The following SYNE1 variants were observed in gnomAD, a reference collection of about 807,000 sequenced individuals.
The protein encoded by SYNE1 is nesprin-1.
Under a neutral mutation model 1,111.0 loss-of-function variants are expected in SYNE1, and 616 were observed. The ratio of observed to expected loss-of-function variants is 0.55; its 90% CI spans 0.52 to 0.59. SYNE1 has a LOEUF of 0.59. SYNE1 is among the 20% of genes least tolerant of loss of function. The pLI is 0.00. For synonymous variants in SYNE1, 3,855 were observed against 3,825.8 expected (o/e 1.01, Z -0.28); for missense variants, 10,006 against 10,417.0 (o/e 0.96, Z 1.72).
chr6:152,184,671 G>C (rs2069246814), intron 128 of SYNE1, among the ~76,000 whole-genome samples: 1 of 147,298 alleles, frequency 6.8e-6, no homozygotes, highest in African/African-American at 2.5e-5. Flanking sequence ...TAGATAGATA[G>C]ATAGATAAAA....
At chr6:152,194,718 T>C (rs1419048401) in intron 127 of SYNE1, among the ~76,000 whole-genome samples, 1 of 152,144 alleles carries the variant, frequency 6.6e-6, no homozygotes, top group Non-Finnish European at 1.5e-5. Context: ...TTGTCTCCTC[T>C]GACTGCGTAG....
intron 129 of SYNE1, among the ~76,000 whole-genome samples, chr6:152,176,976 C>T (rs754709892): frequency 2.6e-5 from 4 of 151,978 alleles, no homozygotes; most frequent in Non-Finnish European, 5.9e-5. Flanking sequence ...AATGCACACA[C>T]ACATATATAT....
At chr6:152,185,669 C>T (rs973138893) in intron 128 of SYNE1, among the ~76,000 whole-genome samples, 2 of 152,154 alleles carry the variant, frequency 1.3e-5, no homozygotes, top group Admixed American at 6.5e-5. Context: ...CTATGTATTC[C>T]GTTTGCTGTT....
Position 152,189,008 on chromosome 6 carries a change from T to A in SYNE1, c.23301+244A>T, listed in dbSNP as rs868569783. ...AAATATATATATATATATATATATA[T>A]ATATATATATAAAATGCCAGCCAGC... On this transcript the variant is annotated intron_variant, in intron 128 of 145. Transcript: ENST00000367255. Among the ~76,000 whole-genome samples, 943 of 113,950 alleles carry A rather than the reference T, an allele frequency of 8.3e-3. 29 individuals are homozygous for A. The highest frequency in any genetic ancestry group is 0.032 in the African/African-American group (865 of 27,192). The allele number at this position is 113,950 out of a possible 152,430, so 74.8% of individuals were successfully genotyped here. A position where few individuals can be genotyped will look rare whatever the true frequency, so the allele number is the denominator to read the frequency against.
Position 152,362,090 on chromosome 6 carries a change from C to T in SYNE1, c.10299+80G>A, listed in dbSNP as rs186047600. ...CTTATGTGCACTGCCCTAGGGTACA[C>T]GTAATCCCATTTTTGTCTGACTGTG... On this transcript the variant is annotated intron_variant, in intron 64 of 145. Coordinates refer to ENST00000367255, the MANE Select transcript of SYNE1 (RefSeq NM_182961.4). 720 of 1,603,394 alleles carry T rather than the reference C, an allele frequency of 4.5e-4. 2 individuals carry two copies. In the African/African-American group the frequency reaches 7.8e-3, roughly 17 times the overall value.
intron 86 of SYNE1, 75 bp from the exon 87 acceptor site, chr6:152,317,061 C>A: frequency 6.4e-7 from 1 of 1,559,066 alleles, no homozygotes; most frequent in South Asian, 1.1e-5. Context: ...TCTTCTCTCT[C>A]TTTGGACACA....
rs1491115589 is a variant in SYNE1 at position 152,253,817 on chromosome 6, G to GTTTTTTTTTTTTTTTTTTTTTTTTT, written c.19470+1062_19470+1063insAAAAAAAAAAAAAAAAAAAAAAAAA. Among the ~76,000 whole-genome samples, 93 of 59,150 alleles carry GTTTTTTTTTTTTTTTTTTTTTTTTT rather than the reference G, an allele frequency of 1.6e-3. 33 individuals are homozygous for GTTTTTTTTTTTTTTTTTTTTTTTTT. The highest frequency in any genetic ancestry group is 4.3e-3 in the East Asian group (6 of 1,380). The allele number at this position is 59,150 out of a possible 152,430, so 38.8% of individuals were successfully genotyped here. A position where few individuals can be genotyped will look rare whatever the true frequency, so the allele number is the denominator to read the frequency against. Reference sequence around the variant, plus strand: ...ATGCTACATTTATGTGTAGTGGTTTGGTTTTTTTTTTTTTTTTTTTTTTTT... The same window carrying GTTTTTTTTTTTTTTTTTTTTTTTTT: ...ATGCTACATTTATGTGTAGTGGTTTGTTTTTTTTTTTTTTTTTTTTTTTTTGTTTTTTTTTTTTTTTTTTTTTTTT... On this transcript the variant is annotated intron_variant, in intron 104 of 145. Coordinates refer to ENST00000367255, the MANE Select transcript of SYNE1 (RefSeq NM_182961.4).
intron 145 of SYNE1, chr6:152,128,569 A>G (rs1177603434): frequency 6.6e-6 from 1 of 152,246 alleles, no homozygotes; most frequent in Non-Finnish European, 1.5e-5. Flanking sequence ...GACTTTAAAC[A>G]ACAACAAAGA....
chr6:152,597,563 A>C (rs758237589), intron 3 of SYNE1, among the ~76,000 whole-genome samples: 1 of 152,190 alleles, frequency 6.6e-6, no homozygotes, highest in African/African-American at 2.4e-5. Context: ...TGGCAAGTAC[A>C]AGATAAACGG....
chr6:152,369,288 AG>A, intron 60 of SYNE1, 161 bp from the exon 61 acceptor site: 1 of 1,352,310 alleles, frequency 7.4e-7, no homozygotes, highest in Non-Finnish European at 1.0e-6. Context: ...AAATCATGGA[AG>A]GAAACAAATC....
At chr6:152,445,524 G>A (rs1388159661) in intron 29 of SYNE1, among the ~76,000 whole-genome samples, 2 of 151,996 alleles carry the variant, frequency 1.3e-5, no homozygotes, top group Non-Finnish European at 2.9e-5. Flanking sequence ...AAGCCTTCCA[G>A]TTTCTTCTTC....
intron 115 of SYNE1, among the ~76,000 whole-genome samples, chr6:152,226,484 G>A (rs1325643698): frequency 6.6e-6 from 1 of 152,126 alleles, no homozygotes; most frequent in Non-Finnish European, 1.5e-5. Context: ...AAAGGCTTCA[G>A]GCTTCTTTGA....
At chr6:152,411,593 A>G (rs554597135) in intron 42 of SYNE1, among the ~76,000 whole-genome samples, 1 of 152,344 alleles carries the variant, frequency 6.6e-6, no homozygotes, top group African/African-American at 2.4e-5. Flanking sequence ...CAAATAACTT[A>G]ACAAAATATG....
chr6:152,618,365 C>T (rs2099666962), intron 3 of SYNE1, among the ~76,000 whole-genome samples: 1 of 152,048 alleles, frequency 6.6e-6, no homozygotes, highest in Non-Finnish European at 1.5e-5. Flanking sequence ...ATAACAAATA[C>T]AACATCAACA....
In SYNE1 at chr6:152,463,446, A is replaced by G. The variant is rs2098746021; in HGVS notation, c.2004T>C (p.Ile668=). The part of the protein sequence containing the change: ...TAMNDAGNFL[I]ETCDEMVSRD... ...GGGAAACCATCTCATCACAGGTTTCAATTAGAAAATTGCCAGCATCGTTCA... is the reference window on the plus strand; with the variant it reads ...GGGAAACCATCTCATCACAGGTTTCGATTAGAAAATTGCCAGCATCGTTCA... The change falls in exon 19 of 146, where the codon ATT becomes ATC. Residue 668 remains isoleucine (I), a synonymous_variant. Coordinates refer to ENST00000367255, the MANE Select transcript of SYNE1 (RefSeq NM_182961.4). The G allele has an allele frequency of 6.2e-7, 1 of 1,613,694 alleles. No individual in the cohort carries two copies. The highest frequency in any genetic ancestry group is 1.7e-5 in the Admixed American group (1 of 59,956).
At chr6:152,395,839 A>AT (rs754877570) in intron 50 of SYNE1, among the ~76,000 whole-genome samples, 168 bp from the exon 51 acceptor site, 1 of 152,226 alleles carries the variant, frequency 6.6e-6, no homozygotes, top group Non-Finnish European at 1.5e-5. Flanking sequence ...ATTATCACTT[A>AT]TTTTAATAAC....
intron 16 of SYNE1, 92 bp downstream of exon 16, chr6:152,471,505 T>G (rs994030676): frequency 2.6e-5 from 33 of 1,287,970 alleles, no homozygotes; most frequent in Non-Finnish European, 3.6e-5. Flanking sequence ...ATGTTTAAAT[T>G]CAAGAATTAA....
intron 80 of SYNE1, among the ~76,000 whole-genome samples, chr6:152,325,723 A>G (rs1357165426): frequency 6.6e-6 from 1 of 152,226 alleles, no homozygotes. Flanking sequence ...ACATTTATTA[A>G]GTGCCACATC....
intron 130 of SYNE1, 147 bp from the exon 131 acceptor site, chr6:152,164,472 G>A: frequency 1.1e-6 from 1 of 944,248 alleles, no homozygotes; most frequent in Non-Finnish European, 1.6e-6. Flanking sequence ...GAAGACAAAG[G>A]AGGATAGAAA....
Sources: allele counts gnomAD v4.1 joint callset (sites outside exome capture counted in the v4.1 genomes callset), GRCh38; gene constraint gnomAD v4.1.1; transcripts MANE v1.5; gene names NCBI Gene and HGNC (gene_info 2026-07-23, HGNC 2026-07-21).